CEP70: variants seen among roughly 807,000 people sequenced by gnomAD.
CEP70 encodes centrosomal protein of 70 kDa.
Under a neutral mutation model 90.9 loss-of-function variants are expected in CEP70, and 70 were observed. The observed-to-expected ratio is 0.77, with a 90% CI of 0.64 to 0.94. The LOEUF (loss-of-function observed/expected upper bound fraction) is 0.94. Ranked by LOEUF, CEP70 falls within the 40% of genes least tolerant of loss-of-function variation. CEP70 has a pLI of 0.00. For synonymous variants in CEP70, 220 were observed against 228.3 expected, an observed-to-expected ratio of 0.96 and a Z score of 0.33; for missense variants, 648 against 669.0, an observed-to-expected ratio of 0.97 and a Z score of 0.35.
intron 3 of CEP70, among the ~76,000 whole-genome samples, chr3:138,572,400 GTTGT>G (rs1444189364): frequency 2.0e-5 from 3 of 152,104 alleles, no homozygotes; most frequent in Admixed American, 6.5e-5. Context: ...TAACATTGAT[GTTGT>G]TTTAGGAGCC....
intron 13 of CEP70, among the ~76,000 whole-genome samples, chr3:138,504,455 A>C (rs1340906542): frequency 6.6e-6 from 1 of 152,206 alleles, no homozygotes; most frequent in Non-Finnish European, 1.5e-5. Context: ...AACAAATAAA[A>C]ACACTGTCTT....
At chr3:138,565,283 T>C (rs931437019) in intron 6 of CEP70, among the ~76,000 whole-genome samples, 1 of 152,166 alleles carries the variant, frequency 6.6e-6, no homozygotes, top group Non-Finnish European at 1.5e-5. Context: ...AAGTAATTTA[T>C]AGATTCAATG....
intron 17 of CEP70, chr3:138,496,051 C>G (rs1481891508): frequency 1.0e-6 from 1 of 985,402 alleles, no homozygotes; most frequent in South Asian, 4.7e-5. Flanking sequence ...AGAATTCACT[C>G]TCTGAAGCTC....
chr3:138,576,835 C>T (rs2041560391), intron 2 of CEP70, among the ~76,000 whole-genome samples: 1 of 152,160 alleles, frequency 6.6e-6, no homozygotes, highest in Non-Finnish European at 1.5e-5. Context: ...AACTGAACAA[C>T]CTGCTCCTGA....
chr3:138,510,348 G>A (rs2035411417), intron 11 of CEP70, among the ~76,000 whole-genome samples: 1 of 151,900 alleles, frequency 6.6e-6, no homozygotes, highest in Non-Finnish European at 1.5e-5. Context: ...CAAAAGAATC[G>A]CCTGAACCTG....
At chr3:138,580,211 T>C (rs1020365225) in intron 2 of CEP70, among the ~76,000 whole-genome samples, 3 of 152,002 alleles carry the variant, frequency 2.0e-5, no homozygotes, top group Non-Finnish European at 4.4e-5. Context: ...ACCAGGTAGG[T>C]TTCCAAGGAT....
At chr3:138,565,033 A>T (rs1198999045) in intron 6 of CEP70, among the ~76,000 whole-genome samples, 2 of 152,240 alleles carry the variant, frequency 1.3e-5, no homozygotes, top group Non-Finnish European at 2.9e-5. Context: ...AAAAATCACA[A>T]GCATTCCTAT....
intron 13 of CEP70, among the ~76,000 whole-genome samples, chr3:138,504,869 A>T (rs942367402): frequency 6.6e-6 from 1 of 152,242 alleles, no homozygotes; most frequent in South Asian, 2.1e-4. Context: ...GAGAGAGAAA[A>T]TATCCCCAAT....
intron 16 of CEP70, among the ~76,000 whole-genome samples, chr3:138,499,218 G>A (rs764344680): frequency 6.6e-6 from 1 of 152,022 alleles, no homozygotes; most frequent in East Asian, 1.9e-4. Context: ...GGTATATATT[G>A]TGTGTTTCCC....
rs1046443857 is a variant in CEP70, at chr3:138,529,279, C to A, written c.789G>T (p.Gln263His). The change falls in exon 10 of 18, where the codon CAG (glutamine) becomes CAT (histidine). Residue 263 changes from glutamine (Q) to histidine (H), a missense_variant. Gln to His is a conservative substitution (Grantham distance 24). Transcript: ENST00000264982. ...PTYKGLLMSLQNQLKESKSKI... is the reference protein window; with the variant it reads ...PTYKGLLMSLHNQLKESKSKI... ...TAGATTTTGATTCCTTGAGTTGATTCTGTAATGACTGCAACACATTTCATA... is the reference window on the plus strand; with the variant it reads ...TAGATTTTGATTCCTTGAGTTGATTATGTAATGACTGCAACACATTTCATA... 1 of 1,600,122 alleles carries A rather than the reference C, an allele frequency of 6.2e-7. No individual in the cohort carries two copies. The highest frequency in any genetic ancestry group is 2.2e-5 in the East Asian group (1 of 44,724).
intron 6 of CEP70, 51 bp from the exon 7 acceptor site, chr3:138,537,398 G>A (rs2038374891): frequency 1.6e-6 from 2 of 1,274,366 alleles, no homozygotes; most frequent in Non-Finnish European, 2.1e-6. Flanking sequence ...TCTAGGACAT[G>A]CTATCCTAAC....
intron 11 of CEP70, among the ~76,000 whole-genome samples, chr3:138,517,693 A>G (rs2036168804): frequency 2.0e-5 from 3 of 152,158 alleles, no homozygotes; most frequent in Admixed American, 2.0e-4. Flanking sequence ...TAATAAAAAT[A>G]AATAGGGGTG....
chr3:138,588,542 G>C (rs1243012679), intron 2 of CEP70, among the ~76,000 whole-genome samples: 1 of 152,172 alleles, frequency 6.6e-6, no homozygotes, highest in Admixed American at 6.5e-5. Context: ...CACACGATGT[G>C]ACACCACTAC....
chr3:138,574,078 C>T (rs564010102), intron 2 of CEP70, among the ~76,000 whole-genome samples: 3 of 152,150 alleles, frequency 2.0e-5, no homozygotes, highest in African/African-American at 4.8e-5. Context: ...TGGTTCATCT[C>T]GTTGGGACTG....
At position 138,571,282 on chromosome 3, in the gene CEP70, T is replaced by C; in HGVS notation, c.144A>G (p.Lys48=). ...MHGLKPLSLV[K]RTDLKDLIIF... Reference sequence around the variant, plus strand: ...TCTAATTACCTTTGAGATCTGTTCTTTTGACTAGAGACAAAGGTTTTAAGC... The same window carrying C: ...TCTAATTACCTTTGAGATCTGTTCTCTTGACTAGAGACAAAGGTTTTAAGC... The change falls in exon 4 of 18, where the codon AAA becomes AAG. Residue 48 remains lysine, a synonymous_variant. Coordinates refer to ENST00000264982, the MANE Select transcript of CEP70 (RefSeq NM_024491.4). 6.2e-7 allele frequency: 1 copy of C among 1,609,410 alleles called. No homozygotes were observed. Among genetic ancestry groups the C allele is most frequent in the Non-Finnish European group, 8.5e-7 (1 of 1,177,564 alleles).
At chr3:138,572,833 A>G (rs2041268620) in intron 3 of CEP70, 26 bp downstream of exon 3, 1 of 1,358,144 alleles carries the variant, frequency 7.4e-7, no homozygotes, top group Non-Finnish European at 1.1e-6. Flanking sequence ...TTTGAGAAGC[A>G]GTGTCTTAAA....
intron 17 of CEP70, chr3:138,496,752 G>A: frequency 1.0e-6 from 1 of 985,334 alleles, no homozygotes; most frequent in Non-Finnish European, 1.2e-6. Context: ...CAATGTTAAT[G>A]TTTAACACCA....
chr3:138,567,609 G>A (rs1054440349), intron 6 of CEP70, among the ~76,000 whole-genome samples: 2 of 152,164 alleles, frequency 1.3e-5, no homozygotes, highest in African/African-American at 4.8e-5. Context: ...CAAGTTTACT[G>A]ACTAGCCCTT....
chr3:138,575,847 A>G (rs199534744), intron 2 of CEP70, among the ~76,000 whole-genome samples: 7 of 148,414 alleles, frequency 4.7e-5, no homozygotes, highest in South Asian at 2.2e-4. Context: ...TATCCAGCCA[A>G]ACTAAGCTTC....
Sources: gnomAD v4.1 joint callset for allele counts (sites outside exome capture counted in the v4.1 genomes callset) on GRCh38, gnomAD v4.1.1 for gene constraint, MANE v1.5 for transcripts, NCBI Gene and HGNC (gene_info 2026-07-23, HGNC 2026-07-21) for gene names.